GPHN: variants seen among roughly 807,000 people sequenced by gnomAD.
GPHN encodes gephyrin.
GPHN carries 17 observed loss-of-function variants against 95.5 expected under a neutral mutation model. The ratio of observed to expected loss-of-function variants is 0.18; its 90% confidence interval spans 0.12 to 0.27. GPHN has a LOEUF of 0.27. Among genes scored for constraint, GPHN ranks in the 10% least tolerant of loss-of-function variants. The probability of loss-of-function intolerance (pLI) is 1.00; values close to 1 mark genes in which losing one functional copy is unlikely to be tolerated. For missense variants in GPHN, 660 were observed against 978.1 expected (o/e 0.67, Z 4.34); for synonymous variants, 320 against 322.5 (o/e 0.99, Z 0.08).
At chr14:67,227,138 T>C in the GPHN span, among the ~76,000 whole-genome samples, 1 of 152,190 alleles carries the variant, frequency 6.6e-6, no homozygotes, top group Middle Eastern at 3.2e-3. Context: ...TTTTGACTTA[T>C]TAAATTGAAA....
chr14:67,442,541 G>A, the GPHN span, among the ~76,000 whole-genome samples: 13 of 152,290 alleles, frequency 8.5e-5, no homozygotes, highest in Admixed American at 6.5e-5. Context: ...AGGAGCACTC[G>A]TCCCTGCCTC....
intron 1 of GPHN, among the ~76,000 whole-genome samples, chr14:66,544,302 A>G (rs944098657): frequency 6.6e-6 from 1 of 152,132 alleles, no homozygotes; most frequent in Non-Finnish European, 1.5e-5. Flanking sequence ...TCCTTTTCAC[A>G]TACACCCTTC....
chr14:67,295,373 C>G, the GPHN span, among the ~76,000 whole-genome samples: 1 of 151,812 alleles, frequency 6.6e-6, no homozygotes, highest in African/African-American at 2.4e-5. Context: ...ACCTGCAATT[C>G]CAGCTGCTTG....
At chr14:66,849,611 A>G (rs1053597423) in intron 4 of GPHN, among the ~76,000 whole-genome samples, 4 of 152,008 alleles carry the variant, frequency 2.6e-5, no homozygotes, top group Non-Finnish European at 4.4e-5. Flanking sequence ...TAATCTTACC[A>G]ATCTGGTAGG....
chr14:66,588,666 G>A (rs991352682), intron 1 of GPHN, among the ~76,000 whole-genome samples: 4 of 152,040 alleles, frequency 2.6e-5, no homozygotes, highest in Admixed American at 6.6e-5. Context: ...ATGAAATAAA[G>A]TGTGAAGACA....
chr14:66,949,993 G>GAAAAAAAA (rs71129809), intron 8 of GPHN, among the ~76,000 whole-genome samples: 10 of 57,808 alleles, frequency 1.7e-4, no homozygotes, highest in African/African-American at 2.0e-4. Flanking sequence ...TTTAGGACAG[G>GAAAAAAAA]AAAAAAAAAA....
the GPHN span, among the ~76,000 whole-genome samples, chr14:67,524,121 C>A: frequency 1.3e-5 from 2 of 152,188 alleles, no homozygotes. Flanking sequence ...TACTCTCTCA[C>A]AACCTTGGGC....
the GPHN span, chr14:67,656,388 G>T: frequency 4.5e-6 from 7 of 1,551,398 alleles, no homozygotes; most frequent in Non-Finnish European, 5.2e-6. Context: ...CCCCATACTT[G>T]CCCCTTTCCC....
chr14:67,486,566 C>A, the GPHN span, among the ~76,000 whole-genome samples: 1 of 152,178 alleles, frequency 6.6e-6, no homozygotes, highest in South Asian at 2.1e-4. Context: ...AGCCACAGTG[C>A]CCGGCTGATC....
chr14:67,302,185 G>A, the GPHN span: 1 of 1,468,934 alleles, frequency 6.8e-7, no homozygotes, highest in Non-Finnish European at 9.1e-7. Context: ...CAAAAGTCTG[G>A]TTAATTTCAG....
chr14:67,714,270 G>C, the GPHN span, among the ~76,000 whole-genome samples: 1 of 152,020 alleles, frequency 6.6e-6, no homozygotes, highest in Non-Finnish European at 1.5e-5. Flanking sequence ...TGAGTAGCAG[G>C]GACTGTAGGA....
chr14:67,651,441 G>T, the GPHN span: 3 of 1,613,904 alleles, frequency 1.9e-6, no homozygotes, highest in African/African-American at 4.0e-5. Context: ...GCGAGCTCCA[G>T]TAAGATGATA....
chr14:67,223,840 A>T, the GPHN span: 1 of 985,570 alleles, frequency 1.0e-6, no homozygotes, highest in Non-Finnish European at 1.2e-6. Context: ...CCTTCCATAC[A>T]CTTTTACTCT....
chr14:67,674,623 C>A, the GPHN span: 1 of 638,226 alleles, frequency 1.6e-6, no homozygotes, highest in Non-Finnish European at 2.4e-6. Flanking sequence ...CGAGGCTCTT[C>A]CGGAGCCGCG....
At position 66,776,671 on chromosome 14, in the gene GPHN, A is replaced by G; in HGVS notation, c.201+150A>G. ...CATAGTGAATTAAAAATTTATATGT[A>G]TCAGATAATCACCATCAGATTTATC... On this transcript the variant is annotated intron_variant, in intron 3 of 22. Transcript: ENST00000478722. The G allele has an allele frequency of 7.5e-6, 5 of 666,828 alleles. 1 individual carries two copies. In the South Asian group the frequency reaches 8.7e-5, roughly 12 times the overall value. The allele number at this position is 666,828 out of a possible 1,614,324, so 41.3% of individuals were successfully genotyped here.
chr14:67,195,138 AGT>A, the GPHN span, among the ~76,000 whole-genome samples: 1 of 152,264 alleles, frequency 6.6e-6, no homozygotes, highest in Admixed American at 6.5e-5. Context: ...ATAATCCAAA[AGT>A]GTAAAAATAA....
intron 1 of GPHN, among the ~76,000 whole-genome samples, chr14:66,634,339 G>A (rs1339240001): frequency 6.6e-6 from 1 of 151,908 alleles, no homozygotes; most frequent in African/African-American, 2.4e-5. Flanking sequence ...TGATTGCAAT[G>A]GTGTAGTTTT....
At chr14:66,687,160 T>A (rs1480775183) in intron 2 of GPHN, among the ~76,000 whole-genome samples, 1 of 152,144 alleles carries the variant, frequency 6.6e-6, no homozygotes, top group Non-Finnish European at 1.5e-5. Context: ...ACAATAATAA[T>A]GGGAGACTCT....
the GPHN span, chr14:67,302,458 G>A: frequency 6.9e-6 from 11 of 1,600,174 alleles, no homozygotes; most frequent in East Asian, 2.5e-4. Context: ...TAGCCGGATA[G>A]TAAAAGGGGG....
Sources: allele counts gnomAD v4.1 joint callset (sites outside exome capture counted in the v4.1 genomes callset), GRCh38; gene constraint gnomAD v4.1.1; transcripts MANE v1.5; gene names NCBI Gene and HGNC (gene_info 2026-07-23, HGNC 2026-07-21).